Variants in MAN1A1 observed in about 807,000 individuals in gnomAD.
MAN1A1 encodes mannosyl-oligosaccharide 1,2-alpha-mannosidase IA.
In MAN1A1, 29 loss-of-function variants were observed where a neutral mutation model predicts 70.8. That is an observed-to-expected ratio of 0.41 (90% confidence interval 0.31 to 0.56). The LOEUF is 0.56. Among genes scored for constraint, MAN1A1 ranks in the 20% least tolerant of loss-of-function variants. MAN1A1 has a pLI of 0.29. For synonymous variants in MAN1A1, 349 were observed against 330.1 expected, an observed-to-expected ratio of 1.06 and a Z score of -0.62; for missense variants, 747 against 841.3, an observed-to-expected ratio of 0.89 and a Z score of 1.39.
At chr6:119,277,561 T>A (rs4945634) in intron 5 of MAN1A1, among the ~76,000 whole-genome samples, 2 of 151,796 alleles carry the variant, frequency 1.3e-5, no homozygotes, top group Admixed American at 1.3e-4. Flanking sequence ...GTGGCTCACA[T>A]CTATAGTCCT....
intron 5 of MAN1A1, among the ~76,000 whole-genome samples, chr6:119,275,327 G>T (rs1776028768): frequency 1.6e-5 from 1 of 64,436 alleles, no homozygotes; most frequent in Admixed American, 2.9e-4. Context: ...TTTTTTTTGA[G>T]ACGGAGTCTC....
At chr6:119,262,500 G>T (rs114806203) in intron 5 of MAN1A1, among the ~76,000 whole-genome samples, 1,803 of 151,790 alleles carry the variant, frequency 0.012, 29 homozygotes, top group African/African-American at 0.041. Context: ...TGGGGTTGTG[G>T]AGAAAAAGGA....
chr6:119,326,962 A>G (rs1399317874), intron 2 of MAN1A1, among the ~76,000 whole-genome samples: 1 of 152,210 alleles, frequency 6.6e-6, no homozygotes, highest in Non-Finnish European at 1.5e-5. Context: ...CTGTACACAT[A>G]CATAGTACCA....
At position 119,282,073 on chromosome 6, in the gene MAN1A1, CAAACAAAACA is replaced by C. The variant is rs373573661; in HGVS notation, c.897+8600_897+8609del. ...CAGAGCAAGACTCCGTCTCAGAAAA[CAAACAAAACA>C]AAACAAAACAAAACAACTGAATTTT... On this transcript the variant is annotated intron_variant, in intron 5 of 12. Coordinates refer to ENST00000368468, the MANE Select transcript of MAN1A1 (RefSeq NM_005907.4). Among the ~76,000 whole-genome samples, 247 of 152,022 alleles carry C rather than the reference CAAACAAAACA, an allele frequency of 1.6e-3. 1 individual carries two copies. Among genetic ancestry groups the C allele is most frequent in the African/African-American group, 5.8e-3 (242 of 41,458 alleles).
chr6:119,195,384 G>A (rs1228877230), intron 8 of MAN1A1, among the ~76,000 whole-genome samples: 5 of 152,038 alleles, frequency 3.3e-5, no homozygotes, highest in African/African-American at 1.2e-4. Flanking sequence ...GCTTCTATAG[G>A]CCTTGTTCTC....
Position 119,308,557 on chromosome 6 carries a change from C to G in MAN1A1, c.604-1565G>C, listed in dbSNP as rs17080956. ...CCTTACAGGATGCATGTAAGGAATA[C>G]ATGATCGTGGTATATGTTTTTGCAC... On this transcript the variant is annotated intron_variant, in intron 2 of 12. Coordinates refer to ENST00000368468, the MANE Select transcript of MAN1A1 (RefSeq NM_005907.4). Among the ~76,000 whole-genome samples, 895 of 152,196 alleles carry G rather than the reference C, an allele frequency of 5.9e-3. 31 individuals carry two copies. In the East Asian group the frequency reaches 0.09, roughly 15 times the overall value.
intron 4 of MAN1A1, among the ~76,000 whole-genome samples, chr6:119,297,660 T>G (rs751673711): frequency 6.6e-6 from 1 of 151,548 alleles, no homozygotes; most frequent in Admixed American, 6.6e-5. Flanking sequence ...GTCACAAAGA[T>G]TAAACACGAT....
At chr6:119,341,449 C>T (rs985861392) in intron 2 of MAN1A1, among the ~76,000 whole-genome samples, 3 of 152,118 alleles carry the variant, frequency 2.0e-5, no homozygotes, top group Admixed American at 2.0e-4. Flanking sequence ...CTCAGTACTT[C>T]TCAACACCTA....
chr6:119,232,388 A>AG lies in MAN1A1; in HGVS notation c.992+15871_992+15872insC, dbSNP rs1324309219. 4.3e-3 allele frequency among the ~76,000 whole-genome samples: 630 copies of AG among 146,234 alleles called. 8 individuals are homozygous for AG. Among genetic ancestry groups the AG allele is most frequent in the African/African-American group, 0.012 (480 of 39,354 alleles). Reference sequence around the variant, plus strand: ...ACTCTGTCTCAAAAAAAAAAAAAAAAAAAAGAAAAACATTGGAATTACTTA... The same window carrying AG: ...ACTCTGTCTCAAAAAAAAAAAAAAAAGAAAAGAAAAACATTGGAATTACTTA... On this transcript the variant is annotated intron_variant, in intron 6 of 12. Coordinates refer to ENST00000368468, the MANE Select transcript of MAN1A1 (RefSeq NM_005907.4).
chr6:119,279,632 T>C lies in MAN1A1; in HGVS notation c.897+11051A>G, dbSNP rs370737947. On this transcript the variant is annotated intron_variant, in intron 5 of 12. Transcript: ENST00000368468. ...CTGAGTCTCAGCAGAAATCCTTGTC[T>C]TGTATTTAACAGGATCCACCAGAGA... 5.9e-5 allele frequency among the ~76,000 whole-genome samples: 9 copies of C among 152,328 alleles called. No individual in the cohort carries two copies. In the South Asian group the frequency reaches 1.5e-3, roughly 25 times the overall value.
At chr6:119,346,092 C>T (rs1350679074) in intron 2 of MAN1A1, among the ~76,000 whole-genome samples, 2 of 152,090 alleles carry the variant, frequency 1.3e-5, no homozygotes, top group Non-Finnish European at 2.9e-5. Context: ...GGCAACAGAG[C>T]CAGACTCTGT....
intron 5 of MAN1A1, among the ~76,000 whole-genome samples, chr6:119,265,873 C>G (rs989741766): frequency 2.0e-5 from 3 of 151,962 alleles, no homozygotes; most frequent in Non-Finnish European, 4.4e-5. Flanking sequence ...TGCAGAAAAT[C>G]TGAATCAACA....
intron 2 of MAN1A1, among the ~76,000 whole-genome samples, chr6:119,331,608 G>A: frequency 1.0e-5 from 1 of 100,210 alleles, no homozygotes; most frequent in Non-Finnish European, 2.3e-5. Context: ...TAATCAAGGG[G>A]ATATAAACAT....
intron 5 of MAN1A1, among the ~76,000 whole-genome samples, chr6:119,284,982 T>C (rs1776324833): frequency 6.6e-6 from 1 of 152,150 alleles, no homozygotes; most frequent in Admixed American, 6.6e-5. Flanking sequence ...TGGCTCATGG[T>C]TCTGCAGATG....
intron 5 of MAN1A1, among the ~76,000 whole-genome samples, chr6:119,264,521 T>C (rs1775695981): frequency 6.6e-6 from 1 of 152,200 alleles, no homozygotes; most frequent in Admixed American, 6.5e-5. Context: ...TAAGAGTAAA[T>C]AGGACAGCCA....
At chr6:119,189,545 A>T in intron 10 of MAN1A1, 119 bp downstream of exon 10, 1 of 855,230 alleles carries the variant, frequency 1.2e-6, no homozygotes, top group Non-Finnish European at 1.9e-6. Context: ...TGAGACATTA[A>T]TCACGATCAT....
chr6:119,200,918 T>C (rs1337863577), intron 8 of MAN1A1, among the ~76,000 whole-genome samples: 1 of 152,210 alleles, frequency 6.6e-6, no homozygotes, highest in African/African-American at 2.4e-5. Flanking sequence ...AAAACCCTCA[T>C]AGTCATTAGT....
chr6:119,274,271 C>T lies in MAN1A1; in HGVS notation c.897+16412G>A, dbSNP rs542821459. 4.6e-5 allele frequency among the ~76,000 whole-genome samples: 7 copies of T among 152,224 alleles called. No homozygotes were observed. In the East Asian group the frequency reaches 1.4e-3, roughly 29 times the overall value. On this transcript the variant is annotated intron_variant, in intron 5 of 12. Coordinates refer to ENST00000368468, the MANE Select transcript of MAN1A1 (RefSeq NM_005907.4). ...TATGATATATGACAATAAATCTGAG[C>T]AATCCTGTCTTACTTTTTCTAAGTG... is the stretch of plus-strand genomic sequence containing the variant.
chr6:119,335,228 C>T (rs975961036), intron 2 of MAN1A1, among the ~76,000 whole-genome samples: 1 of 152,172 alleles, frequency 6.6e-6, no homozygotes, highest in Non-Finnish European at 1.5e-5. Flanking sequence ...ATTTACCTAC[C>T]AACCCCTTTC....
Sources: gnomAD v4.1 joint callset for allele counts (sites outside exome capture counted in the v4.1 genomes callset) on GRCh38, gnomAD v4.1.1 for gene constraint, MANE v1.5 for transcripts, NCBI Gene and HGNC (gene_info 2026-07-23, HGNC 2026-07-21) for gene names.